SLC24A2: variants seen among roughly 807,000 people sequenced by gnomAD.
SLC24A2 encodes sodium/potassium/calcium exchanger 2.
In SLC24A2, 36 loss-of-function variants were observed where a neutral mutation model predicts 62.0. The observed-to-expected ratio is 0.58, with a 90% CI of 0.44 to 0.77. The LOEUF (loss-of-function observed/expected upper bound fraction) is 0.77, where lower values mean the gene tolerates loss of function less well. Among genes scored for constraint, SLC24A2 ranks in the 30% least tolerant of loss-of-function variants. The pLI is 0.00. For synonymous variants in SLC24A2, 358 were observed against 294.0 expected (o/e 1.22, Z -2.23); for missense variants, 846 against 817.9 (o/e 1.03, Z -0.42).
rs1260642488 is a variant in SLC24A2, at chr9:19,511,089, T to G, written c.*5064A>C. The G allele has an allele frequency of 6.6e-6, 1 of 152,152 alleles. No homozygotes were observed. Among genetic ancestry groups the G allele is most frequent in the African/African-American group, 2.4e-5 (1 of 41,426 alleles). 9.4% of individuals were successfully genotyped at this position (152,152 alleles called of 1,614,324 possible). A position where few individuals can be genotyped will look rare whatever the true frequency, so the allele number is the denominator to read the frequency against. ...GAGCAAACATGAGTGTGCCTGTGAT[T>G]TCTACAGACGACTACATGCTCCGGG... On this transcript the variant is annotated 3_prime_UTR_variant, in exon 11 of 11. Coordinates refer to ENST00000341998, the MANE Select transcript of SLC24A2 (RefSeq NM_020344.4).
At chr9:20,033,654 A>G in the SLC24A2 span, among the ~76,000 whole-genome samples, 1 of 152,212 alleles carries the variant, frequency 6.6e-6, no homozygotes, top group South Asian at 2.1e-4. Context: ...ATACATTAGC[A>G]TGGTAAAAGA....
At chr9:20,045,847 G>A in the SLC24A2 span, among the ~76,000 whole-genome samples, 1 of 152,146 alleles carries the variant, frequency 6.6e-6, no homozygotes, top group Non-Finnish European at 1.5e-5. Flanking sequence ...CATACGGTGA[G>A]AAAATCAAGG....
rs1425246832 is a variant in SLC24A2, at chr9:19,684,306, TC to T, written c.931-62008del. Among the ~76,000 whole-genome samples, 4 of 152,104 alleles carry T rather than the reference TC, an allele frequency of 2.6e-5. 1 individual carries two copies. Among genetic ancestry groups the T allele is most frequent in the African/African-American group, 9.7e-5 (4 of 41,450 alleles). On this transcript the variant is annotated intron_variant, in intron 2 of 10. Transcript: ENST00000341998. The stretch of plus-strand genomic sequence containing the variant: ...AATCAGGCTGCTGCACTGAAGGACA[TC>T]CTCTTTCCTCTTCAAGGAAGTTCTT...
In SLC24A2 at chr9:19,627,058, A is replaced by G. The variant is rs961223557; in HGVS notation, c.931-4759T>C. On this transcript the variant is annotated intron_variant, in intron 2 of 10. Transcript: ENST00000341998. ...ACAAAGAAAGAAAAATTTAAATTCA[A>G]ATTACTTTGACTGGTTGCTGGTAAT... is the stretch of plus-strand genomic sequence containing the variant. 4.6e-5 allele frequency among the ~76,000 whole-genome samples: 7 copies of G among 152,174 alleles called. No individual in the cohort carries two copies. In the East Asian group the frequency reaches 9.6e-4, roughly 21 times the overall value.
At chr9:20,041,178 G>T in the SLC24A2 span, among the ~76,000 whole-genome samples, 1 of 148,378 alleles carries the variant, frequency 6.7e-6, no homozygotes, top group Non-Finnish European at 1.5e-5. Context: ...ACGTGTGCGC[G>T]CAGAAGCATG....
the SLC24A2 span, among the ~76,000 whole-genome samples, chr9:20,072,402 G>C: frequency 5.3e-5 from 8 of 152,078 alleles, no homozygotes; most frequent in African/African-American, 1.9e-4. Context: ...CCTGAAGCCT[G>C]CTTCTGAGGC....
chr9:20,090,514 G>C, the SLC24A2 span, among the ~76,000 whole-genome samples: 1 of 152,148 alleles, frequency 6.6e-6, no homozygotes, highest in Non-Finnish European at 1.5e-5. Context: ...GCCTGAGCAA[G>C]AGTCTACCAA....
upstream of SLC24A2, among the ~76,000 whole-genome samples, chr9:19,791,618 A>G: frequency 6.6e-6 from 1 of 152,230 alleles, no homozygotes; most frequent in South Asian, 2.1e-4. Flanking sequence ...GTAATGGAGA[A>G]AAGCAGGGCC....
intron 8 of SLC24A2, among the ~76,000 whole-genome samples, chr9:19,549,222 C>T (rs1034074980): frequency 5.3e-5 from 8 of 152,166 alleles, no homozygotes; most frequent in Non-Finnish European, 1.0e-4. Flanking sequence ...ATGTGAGTAA[C>T]CTTCCTGCTT....
At chr9:19,980,878 G>T in the SLC24A2 span, among the ~76,000 whole-genome samples, 1 of 152,170 alleles carries the variant, frequency 6.6e-6, no homozygotes, top group African/African-American at 2.4e-5. Flanking sequence ...AGTGAAGGAA[G>T]CCTCTGTATA....
chr9:20,123,393 C>A, the SLC24A2 span, among the ~76,000 whole-genome samples: 1 of 152,092 alleles, frequency 6.6e-6, no homozygotes, highest in Admixed American at 6.6e-5. Context: ...CTCCTCATAA[C>A]AAAATGATGA....
chr9:19,721,642 T>G (rs1287222453), intron 2 of SLC24A2, among the ~76,000 whole-genome samples: 1 of 152,132 alleles, frequency 6.6e-6, no homozygotes, highest in East Asian at 1.9e-4. Flanking sequence ...CTTTAAAGTG[T>G]CATTTAATCT....
chr9:19,576,037 C>T (rs537462692), intron 6 of SLC24A2, among the ~76,000 whole-genome samples: 14 of 152,184 alleles, frequency 9.2e-5, no homozygotes, highest in Non-Finnish European at 1.8e-4. Context: ...TGACTTCTTT[C>T]CAGTTTTTCT....
chr9:19,653,514 C>T (rs1818857197), intron 2 of SLC24A2, among the ~76,000 whole-genome samples: 1 of 152,184 alleles, frequency 6.6e-6, no homozygotes, highest in South Asian at 2.1e-4. Flanking sequence ...TTTACCAATG[C>T]TGATCAATAG....
At chr9:20,099,385 C>G in the SLC24A2 span, among the ~76,000 whole-genome samples, 1 of 152,084 alleles carries the variant, frequency 6.6e-6, no homozygotes, top group African/African-American at 2.4e-5. Flanking sequence ...GCAACAAAAC[C>G]ATTACCTTTT....
the SLC24A2 span, among the ~76,000 whole-genome samples, chr9:19,829,765 A>G: frequency 0.16 from 9,101 of 56,716 alleles, 344 homozygotes; most frequent in Non-Finnish European, 0.26. Flanking sequence ...TTATATATAT[A>G]TGTGTGTGTG....
At chr9:20,116,034 A>G in the SLC24A2 span, among the ~76,000 whole-genome samples, 4 of 152,300 alleles carry the variant, frequency 2.6e-5, no homozygotes, top group East Asian at 7.7e-4. Context: ...ATTTCTATGA[A>G]CTGTATTTGG....
At chr9:20,238,797 T>C in the SLC24A2 span, among the ~76,000 whole-genome samples, 13,959 of 152,248 alleles carry the variant, frequency 0.092, 696 homozygotes, top group Middle Eastern at 0.13. Context: ...TATTTGGAGA[T>C]AGGGACTTTA....
chr9:19,579,064 C>T (rs1372409109), intron 5 of SLC24A2, among the ~76,000 whole-genome samples: 1 of 152,096 alleles, frequency 6.6e-6, no homozygotes, highest in Non-Finnish European at 1.5e-5. Context: ...CGACTCCATC[C>T]ATGAGGAATG....
Sources: gnomAD v4.1 joint callset for allele counts (sites outside exome capture counted in the v4.1 genomes callset) on GRCh38, gnomAD v4.1.1 for gene constraint, MANE v1.5 for transcripts, NCBI Gene and HGNC (gene_info 2026-07-23, HGNC 2026-07-21) for gene names.